IQGAP1: variants seen among roughly 807,000 people sequenced by gnomAD.
IQGAP1 encodes the protein IQ motif containing GTPase activating protein 1.
Under a neutral mutation model 215.6 loss-of-function variants are expected in IQGAP1, and 66 were observed. That is an observed-to-expected ratio of 0.31 (90% CI 0.25 to 0.38). IQGAP1 has a LOEUF of 0.38. Ranked by LOEUF, IQGAP1 falls within the 10% of genes least tolerant of loss-of-function variation. IQGAP1 has a pLI of 1.00. For synonymous variants in IQGAP1, 772 were observed against 728.7 expected (o/e 1.06, Z -0.96); for missense variants, 1,712 against 1,997.1 (o/e 0.86, Z 2.72).
At chr15:90,454,033 TC>T (rs1317154980) in intron 13 of IQGAP1, among the ~76,000 whole-genome samples, 45 of 152,362 alleles carry the variant, frequency 3.0e-4, no homozygotes, top group Middle Eastern at 3.4e-3. Context: ...TATCTAGTTT[TC>T]CATTAAGCAT....
At chr15:90,410,597 A>C (rs1463370303) in intron 2 of IQGAP1, among the ~76,000 whole-genome samples, 1 of 151,956 alleles carries the variant, frequency 6.6e-6, no homozygotes, top group Non-Finnish European at 1.5e-5. Context: ...CAGAAAACCA[A>C]ACACCGCATG....
chr15:90,439,027 TA>T (rs1233090537), intron 5 of IQGAP1, among the ~76,000 whole-genome samples: 1 of 152,070 alleles, frequency 6.6e-6, no homozygotes, highest in East Asian at 1.9e-4. Context: ...GCCTGGCCAT[TA>T]ACATCTAATT....
chr15:90,434,425 C>T (rs963234262), intron 5 of IQGAP1, among the ~76,000 whole-genome samples: 3 of 151,184 alleles, frequency 2.0e-5, no homozygotes, highest in African/African-American at 4.9e-5. Flanking sequence ...GCAACAAGAA[C>T]GAAACTCCAT....
At chr15:90,389,540 C>T (rs1419840277) in intron 1 of IQGAP1, among the ~76,000 whole-genome samples, 1 of 151,988 alleles carries the variant, frequency 6.6e-6, no homozygotes, top group African/African-American at 2.4e-5. Flanking sequence ...CTGTGTTGGT[C>T]AGGCTGGTCT....
intron 14 of IQGAP1, among the ~76,000 whole-genome samples, chr15:90,455,290 C>G (rs1407921977): frequency 6.6e-6 from 1 of 152,144 alleles, no homozygotes; most frequent in Non-Finnish European, 1.5e-5. Flanking sequence ...GGCCTCTGCT[C>G]CCTGGAGAAT....
intron 16 of IQGAP1, 25 bp downstream of exon 16, chr15:90,466,116 G>A (rs754759490): frequency 2.5e-6 from 4 of 1,609,996 alleles, no homozygotes; most frequent in Middle Eastern, 1.7e-4. Context: ...TTTTATTTCT[G>A]TTTTGGTGGA....
At chr15:90,478,898 T>A (rs539733933) in intron 26 of IQGAP1, among the ~76,000 whole-genome samples, 95 of 152,312 alleles carry the variant, frequency 6.2e-4, no homozygotes, top group South Asian at 2.7e-3. Context: ...ATAGCTGAGC[T>A]AGGGCCATAG....
chr15:90,499,983 TTTTG>T lies in IQGAP1; in HGVS notation c.4861-9_4861-6del, dbSNP rs869081221. On this transcript the variant is annotated splice_polypyrimidine_tract_variant and splice_region_variant and intron_variant, in intron 37 of 37. Transcript: ENST00000268182. Reference sequence around the variant, plus strand: ...AAATGTTTTGTTTTGTTTTGTTTTGTTTTGTTAATAGGACCTGCTGCAGCTACAG... The same window carrying T: ...AAATGTTTTGTTTTGTTTTGTTTTGTTTAATAGGACCTGCTGCAGCTACAG... 1.8e-6 allele frequency: 2 copies of T among 1,134,862 alleles called. No homozygotes were observed. The highest frequency in any genetic ancestry group is 2.6e-6 in the Non-Finnish European group (2 of 765,906). 70.3% of individuals were successfully genotyped at this position (1,134,862 alleles called of 1,614,324 possible).
rs1965720379 is a variant in IQGAP1 at position 90,458,663 on chromosome 15, A to G, written c.1776+2348A>G. Among the ~76,000 whole-genome samples the G allele has an allele frequency of 3.3e-5, 5 of 152,322 alleles. No individual in the cohort carries two copies. The South Asian group carries it at 1.0e-3, about 32-fold the overall frequency. ...TGATGACCAGCCAAGTTTGGGAAAC[A>G]CTAATCTAATAAAATGAATCAAAGA... On this transcript the variant is annotated intron_variant, in intron 15 of 37. Transcript: ENST00000268182.
In IQGAP1 at chr15:90,474,046, T is replaced by G; in HGVS notation, c.2506-18T>G. ...GTAGACAGATGAACAGAGAAATTTC[T>G]TCTTTTTTGTTCCTTAGATAAATGA... On this transcript the variant is annotated intron_variant, in intron 21 of 37. Transcript: ENST00000268182. 1.2e-6 allele frequency: 2 copies of G among 1,612,152 alleles called. No individual in the cohort carries two copies. Among genetic ancestry groups the G allele is most frequent in the Non-Finnish European group, 1.7e-6 (2 of 1,178,974 alleles).
chr15:90,414,831 C>T (rs938084611), intron 2 of IQGAP1, among the ~76,000 whole-genome samples: 2 of 152,192 alleles, frequency 1.3e-5, no homozygotes, highest in Non-Finnish European at 2.9e-5. Flanking sequence ...GTCCCGTTGA[C>T]ATTTCAAGCT....
At chr15:90,427,504 T>A (rs1596261305) in intron 3 of IQGAP1, among the ~76,000 whole-genome samples, 1 of 151,748 alleles carries the variant, frequency 6.6e-6, no homozygotes, top group South Asian at 2.1e-4. Flanking sequence ...CTTTGGGAGG[T>A]TGAGGCGGGC....
In IQGAP1 at chr15:90,487,030, C is replaced by T; in HGVS notation, c.4101C>T (p.Asn1367=). The change falls in exon 32 of 38, where the codon AAC becomes AAT. Residue 1367 remains asparagine (N), a synonymous_variant. Transcript: ENST00000268182. Reference sequence around the variant, plus strand: ...CGGAAGTGTCTCTCACCCTGACCAACAAGTTCGACGTGCCTGGAGATGAGA... The same window carrying T: ...CGGAAGTGTCTCTCACCCTGACCAATAAGTTCGACGTGCCTGGAGATGAGA... ...AKTEVSLTLT[N]KFDVPGDENA... 1 of 1,614,102 alleles carries T rather than the reference C, an allele frequency of 6.2e-7. No homozygotes were observed.
intron 4 of IQGAP1, among the ~76,000 whole-genome samples, chr15:90,430,686 T>C (rs999250581): frequency 1.3e-5 from 2 of 152,096 alleles, no homozygotes; most frequent in Non-Finnish European, 2.9e-5. Flanking sequence ...TAAAATGGTT[T>C]TCATTTCTGT....
At chr15:90,430,740 G>A (rs1376320150) in intron 4 of IQGAP1, among the ~76,000 whole-genome samples, 4 of 151,894 alleles carry the variant, frequency 2.6e-5, no homozygotes, top group South Asian at 2.1e-4. Context: ...GTACTTTCCT[G>A]TAGAGTTCAA....
In IQGAP1 at chr15:90,483,630, G is replaced by A. The variant is rs762098277; in HGVS notation, c.3788+37G>A. 13 of 1,427,186 alleles carry A rather than the reference G, an allele frequency of 9.1e-6. No individual in the cohort carries two copies. In the Admixed American group the frequency reaches 2.0e-4, roughly 22 times the overall value. 88.4% of individuals were successfully genotyped at this position (1,427,186 alleles called of 1,614,324 possible). A position where few individuals can be genotyped will look rare whatever the true frequency, so the allele number is the denominator to read the frequency against. ...GGCACAAGTGCTTAAGAGAGTCTGT[G>A]GATGTATTTTTATTGTTGAGGGGAA... is the stretch of plus-strand genomic sequence containing the variant. On this transcript the variant is annotated intron_variant, in intron 29 of 37. Coordinates refer to ENST00000268182, the MANE Select transcript of IQGAP1 (RefSeq NM_003870.4).
At chr15:90,446,957 A>G (rs1158226040) in intron 9 of IQGAP1, among the ~76,000 whole-genome samples, 1 of 152,308 alleles carries the variant, frequency 6.6e-6, no homozygotes, top group African/African-American at 2.4e-5. Context: ...ACACTTCTAG[A>G]AAAAGCAAAA....
intron 5 of IQGAP1, among the ~76,000 whole-genome samples, chr15:90,436,252 T>G (rs745797073): frequency 1.2e-4 from 19 of 152,190 alleles, no homozygotes; most frequent in Non-Finnish European, 2.6e-4. Flanking sequence ...TGATTATGTT[T>G]GTGTGTTTCT....
chr15:90,440,725 G>T lies in IQGAP1; in HGVS notation c.649+110G>T, dbSNP rs986629619. 9 of 671,500 alleles carry T rather than the reference G, an allele frequency of 1.3e-5. No individual in the cohort carries two copies. The Admixed American group carries it at 2.4e-4, about 18-fold the overall frequency. The allele number at this position is 671,500 out of a possible 1,614,324, so 41.6% of individuals were successfully genotyped here. On this transcript the variant is annotated intron_variant, in intron 7 of 37. Transcript: ENST00000268182. ...TTATGAATCTTGCCAGCAAGTTTAA[G>T]TCCACAGATGTAGTTGTAAACACAT...
Sources: gnomAD v4.1 joint callset for allele counts (sites outside exome capture counted in the v4.1 genomes callset) on GRCh38, gnomAD v4.1.1 for gene constraint, MANE v1.5 for transcripts, NCBI Gene and HGNC (gene_info 2026-07-23, HGNC 2026-07-21) for gene names.